MAGI1: variants seen among roughly 807,000 people sequenced by gnomAD.
MAGI1 encodes the protein membrane-associated guanylate kinase, WW and PDZ domain-containing protein 1.
MAGI1 carries 58 observed loss-of-function variants against 139.9 expected under a neutral mutation model. The ratio of observed to expected loss-of-function variants is 0.41; its 90% CI spans 0.34 to 0.52. MAGI1 has a LOEUF of 0.52. Ranked by LOEUF, MAGI1 falls within the 20% of genes least tolerant of loss-of-function variation. The probability of loss-of-function intolerance (pLI) is 0.12; values close to 1 mark genes in which losing one functional copy is unlikely to be tolerated. For synonymous variants in MAGI1, 812 were observed against 737.9 expected (o/e 1.10, Z -1.63); for missense variants, 1,874 against 1,901.6 (o/e 0.99, Z 0.27).
At chr3:65,514,811 G>A (rs1304905806) in intron 2 of MAGI1, among the ~76,000 whole-genome samples, 2 of 148,158 alleles carry the variant, frequency 1.3e-5, no homozygotes, top group East Asian at 4.0e-4. Flanking sequence ...ATTACTGGGT[G>A]TATACCCAAA....
intron 14 of MAGI1, among the ~76,000 whole-genome samples, chr3:65,384,221 A>G (rs1943268113): frequency 6.6e-6 from 1 of 152,238 alleles, no homozygotes; most frequent in East Asian, 1.9e-4. Flanking sequence ...ACTCTAAAAC[A>G]TCCTAGTATT....
At chr3:65,587,559 C>T in intron 2 of MAGI1, among the ~76,000 whole-genome samples, 1 of 146,890 alleles carries the variant, frequency 6.8e-6, no homozygotes, top group East Asian at 2.0e-4. Flanking sequence ...TCTCAGCTCA[C>T]TGCAACCCCT....
At chr3:65,558,467 T>G (rs1454208589) in intron 2 of MAGI1, among the ~76,000 whole-genome samples, 1 of 152,084 alleles carries the variant, frequency 6.6e-6, no homozygotes, top group Non-Finnish European at 1.5e-5. Context: ...CTGGGCAACA[T>G]AGCATGACCC....
intron 6 of MAGI1, 190 bp from the exon 7 acceptor site, chr3:65,448,247 G>A (rs1390090761): frequency 1.1e-5 from 7 of 609,792 alleles, no homozygotes; most frequent in East Asian, 2.8e-5. Flanking sequence ...ATCACAAAAC[G>A]GGAAGAGCTG....
chr3:65,650,557 CAG>C (rs1175138829), intron 1 of MAGI1, among the ~76,000 whole-genome samples: 6 of 152,298 alleles, frequency 3.9e-5, no homozygotes, highest in African/African-American at 1.4e-4. Flanking sequence ...AGGCAAGGGA[CAG>C]AGTCTCCTGT....
intron 1 of MAGI1, among the ~76,000 whole-genome samples, chr3:65,931,223 T>C (rs2062792544): frequency 6.6e-6 from 1 of 152,050 alleles, no homozygotes; most frequent in South Asian, 2.1e-4. Flanking sequence ...TTAGTAGAGA[T>C]GAGGTTTCAC....
chr3:65,977,460 C>T (rs1003432036), intron 1 of MAGI1, among the ~76,000 whole-genome samples: 28 of 152,236 alleles, frequency 1.8e-4, no homozygotes, highest in Middle Eastern at 3.4e-3. Flanking sequence ...CCTGTAATCC[C>T]AGCACTTTGG....
intron 1 of MAGI1, among the ~76,000 whole-genome samples, chr3:65,997,836 C>T (rs1262861267): frequency 6.6e-6 from 1 of 152,084 alleles, no homozygotes; most frequent in East Asian, 1.9e-4. Flanking sequence ...GGACTGTTCG[C>T]CAACTCTAGT....
chr3:65,866,834 G>A (rs531937800), intron 1 of MAGI1, among the ~76,000 whole-genome samples: 1 of 152,148 alleles, frequency 6.6e-6, no homozygotes, highest in South Asian at 2.1e-4. Flanking sequence ...CCCTTACCAA[G>A]AGCAAAAGAA....
At chr3:65,777,633 C>T (rs1168024594) in intron 1 of MAGI1, among the ~76,000 whole-genome samples, 1 of 99,082 alleles carries the variant, frequency 1.0e-5, no homozygotes, top group African/African-American at 3.6e-5. Flanking sequence ...CAGAGTGAGA[C>T]TCTTATCACA....
intron 1 of MAGI1, among the ~76,000 whole-genome samples, chr3:65,768,248 C>T (rs1382233441): frequency 9.2e-5 from 14 of 152,178 alleles, no homozygotes; most frequent in African/African-American, 3.1e-4. Flanking sequence ...GACAAAACCT[C>T]GTCTCTACTA....
At chr3:65,417,512 G>C (rs909406150) in intron 12 of MAGI1, among the ~76,000 whole-genome samples, 4 of 114,958 alleles carry the variant, frequency 3.5e-5, no homozygotes, top group Admixed American at 8.3e-5. Flanking sequence ...GATGATATAT[G>C]GTTTCTTTTT....
intron 1 of MAGI1, among the ~76,000 whole-genome samples, chr3:65,726,576 G>A (rs2033631158): frequency 6.6e-6 from 1 of 152,122 alleles, no homozygotes; most frequent in Admixed American, 6.5e-5. Flanking sequence ...GCCACCCTCA[G>A]TTCATTGGTG....
intron 2 of MAGI1, among the ~76,000 whole-genome samples, chr3:65,615,555 T>C (rs771445257): frequency 2.6e-5 from 4 of 152,088 alleles, no homozygotes; most frequent in Non-Finnish European, 5.9e-5. Flanking sequence ...GTCACAAATA[T>C]GGGGGATGCT....
intron 2 of MAGI1, among the ~76,000 whole-genome samples, chr3:65,547,614 G>C (rs967501538): frequency 6.6e-6 from 1 of 152,078 alleles, no homozygotes; most frequent in Non-Finnish European, 1.5e-5. Flanking sequence ...AGCTCTGGAG[G>C]GCTACTGCCT....
chr3:65,433,496 T>A (rs1159261041), intron 10 of MAGI1, among the ~76,000 whole-genome samples: 1 of 152,148 alleles, frequency 6.6e-6, no homozygotes, highest in Non-Finnish European at 1.5e-5. Context: ...TATGGGTGGA[T>A]CATTAGTTAA....
intron 1 of MAGI1, among the ~76,000 whole-genome samples, chr3:65,642,356 C>T (rs151099213): frequency 1.3e-5 from 2 of 152,296 alleles, no homozygotes; most frequent in East Asian, 1.9e-4. Context: ...CATTATTCTG[C>T]CACTGGTCAA....
chr3:65,778,295 T>C (rs1234729510), intron 1 of MAGI1, among the ~76,000 whole-genome samples: 2 of 151,928 alleles, frequency 1.3e-5, no homozygotes, highest in Non-Finnish European at 2.9e-5. Flanking sequence ...CTGGGCATGG[T>C]GGCGGGTGCC....
At chr3:65,526,706 G>C (rs1230049432) in intron 2 of MAGI1, among the ~76,000 whole-genome samples, 1 of 152,154 alleles carries the variant, frequency 6.6e-6, no homozygotes, top group Non-Finnish European at 1.5e-5. Flanking sequence ...ACAACCAAGA[G>C]GGGGATTTCT....
Sources: gnomAD v4.1 joint callset for allele counts (sites outside exome capture counted in the v4.1 genomes callset) on GRCh38, gnomAD v4.1.1 for gene constraint, MANE v1.5 for transcripts, NCBI Gene and HGNC (gene_info 2026-07-23, HGNC 2026-07-21) for gene names.